ACYP2: variants seen among roughly 807,000 people sequenced by gnomAD.
ACYP2 encodes the protein acylphosphatase 2.
ACYP2 carries 12 observed loss-of-function variants against 11.2 expected under a neutral mutation model. The ratio of observed to expected loss-of-function variants is 1.08; its 90% CI spans 0.69 to 1.74. The LOEUF (loss-of-function observed/expected upper bound fraction) is 1.74. Among genes scored for constraint, ACYP2 ranks in the 40% most tolerant of loss-of-function variants. The pLI is 0.00. For synonymous variants in ACYP2, 43 were observed against 32.2 expected (o/e 1.33, Z -1.13); for missense variants, 134 against 101.9 (o/e 1.31, Z -1.35).
chr2:54,009,187 A>G (rs1022741335), intron 2 of ACYP2, among the ~76,000 whole-genome samples: 1 of 151,944 alleles, frequency 6.6e-6, no homozygotes, highest in African/African-American at 2.4e-5. Flanking sequence ...AAAAGATTTG[A>G]GGACTCGAGG....
chr2:54,155,181 C>G (rs1682374349), intron 6 of ACYP2, among the ~76,000 whole-genome samples: 2 of 151,724 alleles, frequency 1.3e-5, no homozygotes, highest in South Asian at 2.1e-4. Flanking sequence ...AATCTTTTCA[C>G]TTTTTTTTCT....
chr2:54,088,830 G>T lies in ACYP2; in HGVS notation c.277+31470G>T, dbSNP rs560426637. Among the ~76,000 whole-genome samples, 32 of 152,326 alleles carry T rather than the reference G, an allele frequency of 2.1e-4. No individual in the cohort carries two copies. In the South Asian group the frequency reaches 6.6e-3, roughly 32 times the overall value. On this transcript the variant is annotated intron_variant, in intron 4 of 6. Transcript: ENST00000607452. ...TTATTCCCACTTAGTATATCAGAAA[G>T]AGTACAGTGAGGACAAGGACAAAGT...
chr2:54,043,356 C>T (rs964607907), intron 2 of ACYP2, among the ~76,000 whole-genome samples: 8 of 152,128 alleles, frequency 5.3e-5, no homozygotes, highest in Non-Finnish European at 8.8e-5. Flanking sequence ...TTGGGAATTA[C>T]GGATGCATTT....
chr2:54,099,578 C>T (rs1314591103), intron 4 of ACYP2, among the ~76,000 whole-genome samples: 1 of 152,212 alleles, frequency 6.6e-6, no homozygotes, highest in Non-Finnish European at 1.5e-5. Flanking sequence ...ACGATGTCCT[C>T]AGATTCATCC....
At chr2:54,196,468 C>T (rs1269413757) in intron 6 of ACYP2, among the ~76,000 whole-genome samples, 1 of 152,176 alleles carries the variant, frequency 6.6e-6, no homozygotes, top group Non-Finnish European at 1.5e-5. Flanking sequence ...ATACACAGAC[C>T]TCCAGCCAAG....
At chr2:54,265,651 C>G (rs555183246) in intron 6 of ACYP2, among the ~76,000 whole-genome samples, 5 of 152,304 alleles carry the variant, frequency 3.3e-5, no homozygotes, top group African/African-American at 4.8e-5. Context: ...AGATAAATAT[C>G]TACATACAGG....
intron 6 of ACYP2, among the ~76,000 whole-genome samples, chr2:54,151,743 G>A (rs1174493263): frequency 1.3e-5 from 2 of 152,054 alleles, no homozygotes; most frequent in Non-Finnish European, 2.9e-5. Context: ...AATGACTTAA[G>A]GGTATAGTTT....
intron 4 of ACYP2, among the ~76,000 whole-genome samples, chr2:54,073,435 G>C (rs962323716): frequency 6.6e-6 from 1 of 152,144 alleles, no homozygotes; most frequent in Non-Finnish European, 1.5e-5. Context: ...ACTCTTGGAA[G>C]AAAACATAGA....
intron 2 of ACYP2, among the ~76,000 whole-genome samples, chr2:53,977,841 C>T (rs903340852): frequency 5.3e-5 from 8 of 151,908 alleles, no homozygotes; most frequent in Admixed American, 4.6e-4. Context: ...GCTTTCCTTT[C>T]CTCTGTTTCT....
At chr2:54,218,879 T>C (rs893993580) in intron 6 of ACYP2, among the ~76,000 whole-genome samples, 1 of 152,202 alleles carries the variant, frequency 6.6e-6, no homozygotes, top group African/African-American at 2.4e-5. Flanking sequence ...CTTATCTCTT[T>C]AGTCAGAACT....
At chr2:54,223,485 T>C (rs962064632) in intron 6 of ACYP2, among the ~76,000 whole-genome samples, 1 of 152,194 alleles carries the variant, frequency 6.6e-6, no homozygotes, top group Non-Finnish European at 1.5e-5. Flanking sequence ...TCAGAGTGAA[T>C]TTTAGGAGCT....
chr2:54,028,443 A>G (rs930766133), intron 2 of ACYP2, among the ~76,000 whole-genome samples: 1 of 152,112 alleles, frequency 6.6e-6, no homozygotes, highest in African/African-American at 2.4e-5. Flanking sequence ...CTGGCTCTCA[A>G]TCTTATTTTT....
intron 6 of ACYP2, among the ~76,000 whole-genome samples, chr2:54,226,363 G>C (rs566973283): frequency 7.8e-4 from 118 of 152,212 alleles, no homozygotes; most frequent in Non-Finnish European, 1.4e-3. Flanking sequence ...TCCTCTGACA[G>C]ACAATCCATT....
intron 1 of ACYP2, among the ~76,000 whole-genome samples, chr2:53,972,797 A>G (rs1013180567): frequency 2.6e-5 from 4 of 152,220 alleles, no homozygotes; most frequent in African/African-American, 7.2e-5. Flanking sequence ...GAAAGAGACA[A>G]GACGACGCTG....
intron 6 of ACYP2, among the ~76,000 whole-genome samples, chr2:54,176,755 T>C (rs368742537): frequency 1.3e-5 from 2 of 152,178 alleles, no homozygotes; most frequent in South Asian, 4.1e-4. Flanking sequence ...TATCCAGGAA[T>C]TGACCTTGGC....
rs531056980 is a variant in ACYP2, at chr2:54,112,851, G to T, written c.278-22602G>T. ...GCTGGCAGACACAGCAAATTTTTCA[G>T]CTAAGCAAATGTCAATTGTTGCTAT... On this transcript the variant is annotated intron_variant, in intron 4 of 6. Transcript: ENST00000607452. 3.9e-5 allele frequency among the ~76,000 whole-genome samples: 6 copies of T among 152,324 alleles called. No homozygotes were observed. The South Asian group carries it at 1.2e-3, about 32-fold the overall frequency.
rs761975123 is a variant in ACYP2 at position 54,304,851 on chromosome 2, T to TAA, written c.*50_*51dup. ...CTGAACAATAGATACTGTATGTTCT[T>TAA]AAGACTATGTATACTAGAATAATAG... On this transcript the variant is annotated 3_prime_UTR_variant, in exon 7 of 7. Transcript: ENST00000607452. The TAA allele has an allele frequency of 2.8e-6, 3 of 1,079,418 alleles. No homozygotes were observed. The highest frequency in any genetic ancestry group is 4.1e-6 in the Non-Finnish European group (3 of 724,400). The allele number at this position is 1,079,418 out of a possible 1,614,324, so 66.9% of individuals were successfully genotyped here. A position where few individuals can be genotyped will look rare whatever the true frequency, so the allele number is the denominator to read the frequency against.
At chr2:54,168,278 T>C (rs927504883) in intron 6 of ACYP2, among the ~76,000 whole-genome samples, 3 of 151,658 alleles carry the variant, frequency 2.0e-5, no homozygotes, top group Non-Finnish European at 4.4e-5. Flanking sequence ...AATAAAAAAA[T>C]CACCCAGGCG....
At chr2:54,161,654 G>A (rs966296071) in intron 6 of ACYP2, among the ~76,000 whole-genome samples, 1 of 152,040 alleles carries the variant, frequency 6.6e-6, no homozygotes, top group Admixed American at 6.6e-5. Context: ...AAATACAACT[G>A]CCAAATTTTT....
Sources: allele counts gnomAD v4.1 joint callset (sites outside exome capture counted in the v4.1 genomes callset), GRCh38; gene constraint gnomAD v4.1.1; transcripts MANE v1.5; gene names NCBI Gene and HGNC (gene_info 2026-07-23, HGNC 2026-07-21).